The following GPC5 variants were observed in gnomAD, a reference collection of about 807,000 sequenced individuals.
The protein encoded by GPC5 is glypican 5, also known as glypican-5.
A neutral mutation model predicts 53.9 loss-of-function variants in GPC5; 47 were observed. That is an observed-to-expected ratio of 0.87 (90% confidence interval 0.69 to 1.11). The LOEUF (loss-of-function observed/expected upper bound fraction) is 1.11. GPC5 is among the 50% of genes most tolerant of loss of function. The pLI, the probability that GPC5 is intolerant of heterozygous loss-of-function variation, is 0.00. For missense variants in GPC5, 748 were observed against 713.1 expected, an observed-to-expected ratio of 1.05 and a Z score of -0.56; for synonymous variants, 286 against 263.3, an observed-to-expected ratio of 1.09 and a Z score of -0.84.
chr13:91,546,219 T>G (rs377014046), intron 2 of GPC5, among the ~76,000 whole-genome samples: 27 of 152,250 alleles, frequency 1.8e-4, no homozygotes, highest in African/African-American at 6.0e-4. Context: ...GGAAAACAGC[T>G]GCTGCATATT....
At chr13:92,560,855 A>ATGTG (rs1413113972) in intron 7 of GPC5, among the ~76,000 whole-genome samples, 46 of 86,672 alleles carry the variant, frequency 5.3e-4, no homozygotes, top group African/African-American at 1.3e-3. Context: ...ATAGAAAATT[A>ATGTG]TATGTGTGTG....
intron 7 of GPC5, among the ~76,000 whole-genome samples, chr13:92,160,999 C>G (rs1265972897): frequency 6.6e-6 from 1 of 151,238 alleles, no homozygotes; most frequent in African/African-American, 2.4e-5. Context: ...CTGCACCCAG[C>G]ACCAAAACCT....
At chr13:92,605,576 G>GT (rs55887927) in intron 7 of GPC5, among the ~76,000 whole-genome samples, 3,627 of 139,608 alleles carry the variant, frequency 0.026, 123 homozygotes, top group African/African-American at 0.063. Flanking sequence ...GTATTCACTA[G>GT]TTTTTTTTTT....
At chr13:92,092,867 A>G (rs1460651290) in intron 6 of GPC5, among the ~76,000 whole-genome samples, 1 of 152,192 alleles carries the variant, frequency 6.6e-6, no homozygotes, top group East Asian at 1.9e-4. Context: ...ACTGGTTCAA[A>G]GGAGAATACA....
At chr13:91,821,047 A>T (rs943005356) in intron 5 of GPC5, among the ~76,000 whole-genome samples, 5 of 152,162 alleles carry the variant, frequency 3.3e-5, no homozygotes, top group African/African-American at 1.2e-4. Flanking sequence ...AATTATATGA[A>T]ATGTGTTATG....
intron 7 of GPC5, among the ~76,000 whole-genome samples, chr13:92,355,816 A>G (rs529340242): frequency 1.1e-4 from 17 of 151,042 alleles, no homozygotes; most frequent in African/African-American, 3.4e-4. Context: ...CCTTCATTCT[A>G]TGTCTAATAC....
chr13:91,400,812 G>A (rs1876885297), intron 1 of GPC5, among the ~76,000 whole-genome samples: 2 of 152,160 alleles, frequency 1.3e-5, no homozygotes, highest in Admixed American at 6.5e-5. Flanking sequence ...TTTTAAAGAT[G>A]AACTTTCCAG....
At chr13:92,829,272 C>A (rs921255547) in intron 7 of GPC5, among the ~76,000 whole-genome samples, 2 of 152,028 alleles carry the variant, frequency 1.3e-5, no homozygotes, top group African/African-American at 4.8e-5. Context: ...TGTGAGAGAC[C>A]AAAGGTATTT....
At chr13:92,546,230 GCA>G (rs2139008834) in intron 7 of GPC5, among the ~76,000 whole-genome samples, 1 of 152,066 alleles carries the variant, frequency 6.6e-6, no homozygotes, top group Admixed American at 6.6e-5. Flanking sequence ...CAAATTGTCC[GCA>G]TTTGCAGATG....
At chr13:92,036,550 A>T (rs1291348189) in intron 6 of GPC5, among the ~76,000 whole-genome samples, 2 of 152,226 alleles carry the variant, frequency 1.3e-5, no homozygotes, top group Non-Finnish European at 2.9e-5. Flanking sequence ...GAAAATTAAC[A>T]TAAGCTTTAG....
chr13:91,441,385 T>G (rs1462589187), intron 1 of GPC5, among the ~76,000 whole-genome samples: 1 of 152,192 alleles, frequency 6.6e-6, no homozygotes, highest in East Asian at 1.9e-4. Context: ...AGTAGAATGG[T>G]TTGGCATGCT....
chr13:92,639,962 ATT>A (rs369589370), intron 7 of GPC5, among the ~76,000 whole-genome samples: 37 of 149,144 alleles, frequency 2.5e-4, no homozygotes, highest in East Asian at 1.2e-3. Flanking sequence ...GATCCTGAGG[ATT>A]TTTTTTTTTC....
chr13:91,801,976 T>C (rs1185503896), intron 5 of GPC5, among the ~76,000 whole-genome samples: 1 of 152,200 alleles, frequency 6.6e-6, no homozygotes, highest in East Asian at 1.9e-4. Flanking sequence ...TTTCTAGGCA[T>C]GGTTAAAGCA....
chr13:92,494,018 T>C (rs966144006), intron 7 of GPC5, among the ~76,000 whole-genome samples: 1 of 152,224 alleles, frequency 6.6e-6, no homozygotes, highest in African/African-American at 2.4e-5. Flanking sequence ...TGAATATGAA[T>C]TTGCAGGACA....
intron 7 of GPC5, among the ~76,000 whole-genome samples, chr13:92,488,407 T>G (rs902118070): frequency 2.0e-5 from 3 of 152,188 alleles, no homozygotes; most frequent in Non-Finnish European, 1.5e-5. Context: ...GAAGCATAAG[T>G]TAATTAAATT....
At chr13:92,205,688 A>T (rs191773802) in intron 7 of GPC5, among the ~76,000 whole-genome samples, 50 of 152,312 alleles carry the variant, frequency 3.3e-4, no homozygotes, top group African/African-American at 1.2e-3. Flanking sequence ...CAGCTGCAAC[A>T]GTGATATCAT....
intron 7 of GPC5, among the ~76,000 whole-genome samples, chr13:92,508,456 T>C (rs1880453378): frequency 6.6e-6 from 1 of 152,154 alleles, no homozygotes; most frequent in African/African-American, 2.4e-5. Context: ...TTATGAATTG[T>C]GTATTGTTTT....
chr13:91,626,111 A>G (rs1212434045), intron 2 of GPC5, among the ~76,000 whole-genome samples: 4 of 152,114 alleles, frequency 2.6e-5, no homozygotes, highest in Non-Finnish European at 5.9e-5. Flanking sequence ...TATTATGATG[A>G]CTGTTTTTCT....
At chr13:92,532,816 T>A (rs1881607438) in intron 7 of GPC5, among the ~76,000 whole-genome samples, 1 of 152,146 alleles carries the variant, frequency 6.6e-6, no homozygotes, top group Non-Finnish European at 1.5e-5. Context: ...CCCAATACAC[T>A]AATTTATTTG....
Sources: gnomAD v4.1 joint callset for allele counts (sites outside exome capture counted in the v4.1 genomes callset) on GRCh38, gnomAD v4.1.1 for gene constraint, MANE v1.5 for transcripts, NCBI Gene and HGNC (gene_info 2026-07-23, HGNC 2026-07-21) for gene names.